Variants in LRRC28 observed in about 807,000 individuals in gnomAD.
LRRC28 encodes leucine-rich repeat-containing protein 28.
A neutral mutation model predicts 45.7 loss-of-function variants in LRRC28; 39 were observed. The ratio of observed to expected loss-of-function variants is 0.85; its 90% CI spans 0.66 to 1.12. The LOEUF (loss-of-function observed/expected upper bound fraction) is 1.12. Ranked by LOEUF, LRRC28 falls within the 50% of genes most tolerant of loss-of-function variation. The pLI is 0.00. For synonymous variants in LRRC28, 206 were observed against 178.8 expected, an observed-to-expected ratio of 1.15 and a Z score of -1.22; for missense variants, 435 against 438.5, an observed-to-expected ratio of 0.99 and a Z score of 0.07.
chr15:99,275,848 G>T (rs2081603607), intron 2 of LRRC28, among the ~76,000 whole-genome samples: 1 of 152,114 alleles, frequency 6.6e-6, no homozygotes, highest in African/African-American at 2.4e-5. Flanking sequence ...TTTCTCTAAG[G>T]CAGGGGTCCC....
chr15:99,341,692 T>C (rs1236830535), intron 6 of LRRC28, among the ~76,000 whole-genome samples: 1 of 152,216 alleles, frequency 6.6e-6, no homozygotes. Flanking sequence ...AAAAGAAATG[T>C]TCATTCTTAG....
chr15:99,282,175 A>AG, intron 3 of LRRC28, among the ~76,000 whole-genome samples: 1 of 29,790 alleles, frequency 3.4e-5, no homozygotes, highest in African/African-American at 2.2e-4. Flanking sequence ...AAATTTTTGG[A>AG]GGTTTTTTTT....
Position 99,389,893 on chromosome 15 carries a change from GATC to G in LRRC28, c.*3795_*3797del, listed in dbSNP as rs1265681133. ...GCACTTTGGGAGGCCGAGGAGGGCA[GATC>G]ATCTGAGGTCAGGAGTTTGAGACCA... is the stretch of plus-strand genomic sequence containing the variant. On this transcript the variant is annotated 3_prime_UTR_variant, in exon 10 of 10. Transcript: ENST00000301981. 1 of 152,252 alleles carries G rather than the reference GATC, an allele frequency of 6.6e-6. No homozygotes were observed. The highest frequency in any genetic ancestry group is 1.5e-5 in the Non-Finnish European group (1 of 68,090). The allele number at this position is 152,252 out of a possible 1,614,324, so 9.4% of individuals were successfully genotyped here.
intron 5 of LRRC28, among the ~76,000 whole-genome samples, chr15:99,308,482 A>G (rs185177254): frequency 4.5e-4 from 68 of 152,292 alleles, no homozygotes; most frequent in African/African-American, 1.6e-3. Context: ...TCTGGGCAAC[A>G]TAGTAAGACC....
At chr15:99,327,154 A>G (rs1481323441) in intron 5 of LRRC28, among the ~76,000 whole-genome samples, 1 of 152,072 alleles carries the variant, frequency 6.6e-6, no homozygotes, top group Non-Finnish European at 1.5e-5. Flanking sequence ...GGCTCATGGC[A>G]ACCTCCACCC....
chr15:99,267,569 A>G (rs1040937213), intron 2 of LRRC28, among the ~76,000 whole-genome samples: 3 of 152,174 alleles, frequency 2.0e-5, no homozygotes, highest in African/African-American at 7.2e-5. Context: ...GTATAAAAGC[A>G]TCTCTGTTTC....
chr15:99,376,752 T>C (rs1363351638), intron 9 of LRRC28, among the ~76,000 whole-genome samples: 3 of 152,148 alleles, frequency 2.0e-5, no homozygotes, highest in African/African-American at 2.4e-5. Flanking sequence ...TGTCCATGTG[T>C]TCTCATTGTT....
At chr15:99,257,717 T>C in intron 2 of LRRC28, 1 of 774,224 alleles carries the variant, frequency 1.3e-6, no homozygotes. Context: ...ATGTGGAAGG[T>C]ACAGTAGAAG....
chr15:99,372,608 G>GGATTT (rs1957514563), intron 9 of LRRC28, among the ~76,000 whole-genome samples: 1 of 152,064 alleles, frequency 6.6e-6, no homozygotes, highest in Non-Finnish European at 1.5e-5. Flanking sequence ...CACAGCCTTG[G>GGATTT]GATTTATTTG....
intron 5 of LRRC28, among the ~76,000 whole-genome samples, chr15:99,296,158 A>AT (rs1485685387): frequency 6.6e-6 from 1 of 152,130 alleles, no homozygotes; most frequent in East Asian, 1.9e-4. Context: ...GGCTGCAGTG[A>AT]TTTTTCAGAG....
chr15:99,300,146 G>T (rs1181822654), intron 5 of LRRC28, among the ~76,000 whole-genome samples: 1 of 151,748 alleles, frequency 6.6e-6, no homozygotes, highest in Non-Finnish European at 1.5e-5. Flanking sequence ...AGCAGGTTTT[G>T]TGGAAGTCAT....
In LRRC28 at chr15:99,258,642, A is replaced by C. The variant is rs772787210; in HGVS notation, c.168+2517A>C. 4 of 755,514 alleles carry C rather than the reference A, an allele frequency of 5.3e-6. No individual in the cohort carries two copies. The South Asian group carries it at 5.5e-5, about 10-fold the overall frequency. The allele number at this position is 755,514 out of a possible 1,614,324, so 46.8% of individuals were successfully genotyped here. ...GGAACTTATGAATGATATCAAACCAATATGGCAGAGACCATCCAAGAAGTA... is the reference window on the plus strand; with the variant it reads ...GGAACTTATGAATGATATCAAACCACTATGGCAGAGACCATCCAAGAAGTA... On this transcript the variant is annotated intron_variant, in intron 2 of 9. Coordinates refer to ENST00000301981, the MANE Select transcript of LRRC28 (RefSeq NM_144598.5).
At chr15:99,334,228 A>G (rs1276101437) in intron 6 of LRRC28, 99 bp downstream of exon 6, 3 of 1,322,616 alleles carry the variant, frequency 2.3e-6, no homozygotes, top group African/African-American at 1.5e-5. Flanking sequence ...CCTTCTGTTT[A>G]TCTTGACGAT....
rs767915240 is a variant in LRRC28, at chr15:99,256,094, T to A, written c.137T>A (p.Leu46His). The A allele has an allele frequency of 1.2e-6, 2 of 1,611,634 alleles. No homozygotes were observed. The highest frequency in any genetic ancestry group is 1.3e-5 in the African/African-American group (1 of 74,696). Residue 46 changes from leucine (L) to histidine (H), a missense_variant, in exon 2 of 10, where the codon CTC becomes CAC. Transcript: ENST00000301981. ...KDEGLQYLER[L>H]YMKRNSLTSL... ...GAGGGACTGCAGTACTTGGAGAGAC[T>A]CTATATGAAAAGGAACTCCCTGACA...
intron 9 of LRRC28, among the ~76,000 whole-genome samples, chr15:99,366,985 A>G (rs1597444436): frequency 1.3e-5 from 2 of 152,198 alleles, no homozygotes; most frequent in Admixed American, 1.3e-4. Flanking sequence ...AGTTCTCCCC[A>G]CCAGCAACCA....
intron 2 of LRRC28, chr15:99,257,578 T>G (rs1597145501): frequency 1.8e-6 from 1 of 567,890 alleles, no homozygotes; most frequent in Admixed American, 2.7e-5. Context: ...GGTGAGAGGG[T>G]GGAGGTGGCT....
intron 9 of LRRC28, among the ~76,000 whole-genome samples, chr15:99,383,854 A>G (rs1253274135): frequency 6.6e-6 from 1 of 152,168 alleles, no homozygotes; most frequent in African/African-American, 2.4e-5. Context: ...GGAGTCTAGC[A>G]TAGCTGTCTC....
At chr15:99,321,694 C>T (rs966363608) in intron 5 of LRRC28, among the ~76,000 whole-genome samples, 10 of 152,110 alleles carry the variant, frequency 6.6e-5, no homozygotes, top group African/African-American at 1.2e-4. Context: ...GTCTGGTCTG[C>T]GGCCACTGAA....
At chr15:99,335,366 C>T (rs996400632) in intron 6 of LRRC28, among the ~76,000 whole-genome samples, 4 of 152,192 alleles carry the variant, frequency 2.6e-5, no homozygotes, top group Non-Finnish European at 5.9e-5. Flanking sequence ...CATATTTATC[C>T]TGCTTCCTTT....
Sources: gnomAD v4.1 joint callset for allele counts (sites outside exome capture counted in the v4.1 genomes callset) on GRCh38, gnomAD v4.1.1 for gene constraint, MANE v1.5 for transcripts, NCBI Gene and HGNC (gene_info 2026-07-23, HGNC 2026-07-21) for gene names.